Variants in BIRC6 observed in about 807,000 individuals in gnomAD.
BIRC6 encodes dual E2 ubiquitin-conjugating enzyme/E3 ubiquitin-protein ligase BIRC6.
BIRC6 carries 98 observed loss-of-function variants against 503.3 expected under a neutral mutation model. That is an observed-to-expected ratio of 0.19 (90% CI 0.17 to 0.23). BIRC6 has a LOEUF of 0.23. BIRC6 is among the 10% of genes least tolerant of loss of function. The probability of loss-of-function intolerance (pLI) is 1.00; values close to 1 mark genes in which losing one functional copy is unlikely to be tolerated. For synonymous variants in BIRC6, 2,240 were observed against 2,078.7 expected, an observed-to-expected ratio of 1.08 and a Z score of -2.11; for missense variants, 5,360 against 5,806.0, an observed-to-expected ratio of 0.92 and a Z score of 2.50.
rs199515821 is a variant in BIRC6 at position 32,537,688 on chromosome 2, C to T, written c.12292-5553C>T. Among the ~76,000 whole-genome samples, 39 of 152,178 alleles carry T rather than the reference C, an allele frequency of 2.6e-4. No individual in the cohort carries two copies. In the East Asian group the frequency reaches 6.4e-3, roughly 25 times the overall value. ...TATATTTTAAAACAATTATTTAGGCCGGGCGCAGTGGCTCAAGCCTGCAAT... is the reference window on the plus strand; with the variant it reads ...TATATTTTAAAACAATTATTTAGGCTGGGCGCAGTGGCTCAAGCCTGCAAT... On this transcript the variant is annotated intron_variant, in intron 61 of 73. Transcript: ENST00000421745.
At chr2:32,369,982 ATATGTATG>A (rs70938342) in intron 1 of BIRC6, among the ~76,000 whole-genome samples, 236 of 44,508 alleles carry the variant, frequency 5.3e-3, no homozygotes, top group Non-Finnish European at 7.0e-3. Flanking sequence ...ATATATATAT[ATATGTATG>A]TATGTATGTG....
intron 10 of BIRC6, among the ~76,000 whole-genome samples, chr2:32,424,008 A>G (rs1241370290): frequency 1.3e-5 from 2 of 152,182 alleles, no homozygotes; most frequent in African/African-American, 4.8e-5. Flanking sequence ...AATGCTAGCT[A>G]TGGGATATGC....
At chr2:32,447,044 T>G (rs1377051999) in intron 21 of BIRC6, among the ~76,000 whole-genome samples, 6 of 135,050 alleles carry the variant, frequency 4.4e-5, no homozygotes, top group African/African-American at 1.7e-4. Flanking sequence ...ACACAGCACA[T>G]GTTTCAGAGA....
Position 32,471,129 on chromosome 2 carries a change from A to C in BIRC6, c.6592+5A>C. ...CTGCAAAGAAACCTTTGAATGGTAA[A>C]GACAGGGAGAGGTTTCTGACAGGTA... On this transcript the variant is annotated splice_donor_5th_base_variant and intron_variant, in intron 32 of 73. Transcript: ENST00000421745. 2 of 1,559,512 alleles carry C rather than the reference A, an allele frequency of 1.3e-6. No individual in the cohort carries two copies. The highest frequency in any genetic ancestry group is 2.4e-5 in the South Asian group (2 of 84,602).
chr2:32,518,451 G>T lies in BIRC6; in HGVS notation c.11493+54G>T, dbSNP rs1372852103. 1.9e-6 allele frequency: 3 copies of T among 1,549,668 alleles called. No individual in the cohort carries two copies. In the African/African-American group the frequency reaches 4.2e-5, roughly 22 times the overall value. ...GTGTATACATGTATTTTACAATTTT[G>T]TATCAGAGCCTGCAGTTACCTCCTA... is the stretch of plus-strand genomic sequence containing the variant. On this transcript the variant is annotated intron_variant, in intron 56 of 73. Coordinates refer to ENST00000421745, the MANE Select transcript of BIRC6 (RefSeq NM_016252.4).
chr2:32,438,558 C>CT (rs1242771915), intron 15 of BIRC6, among the ~76,000 whole-genome samples: 4,379 of 126,944 alleles, frequency 0.034, 132 homozygotes, highest in East Asian at 0.055. Flanking sequence ...TTTGAGTGTT[C>CT]TTTTTTTTTT....
At chr2:32,572,569 C>T (rs765545255) in intron 65 of BIRC6, among the ~76,000 whole-genome samples, 11 of 152,182 alleles carry the variant, frequency 7.2e-5, no homozygotes, top group Admixed American at 2.0e-4. Flanking sequence ...CACATCCTCA[C>T]AAGTACTGAC....
rs2043839076 is a variant in BIRC6, at chr2:32,429,160, T to C, written c.2887T>C (p.Phe963Leu). 6.3e-7 allele frequency: 1 copy of C among 1,590,100 alleles called. No homozygotes were observed. The highest frequency in any genetic ancestry group is 8.6e-7 in the Non-Finnish European group (1 of 1,169,038). Residue 963 changes from phenylalanine to leucine, a missense_variant, in exon 11 of 74, where the codon TTT (phenylalanine) becomes CTT (leucine). By Grantham distance (22) the Phe-to-Leu change is conservative. Coordinates refer to ENST00000421745, the MANE Select transcript of BIRC6 (RefSeq NM_016252.4). ...CTACACTGTAGGTGGTGAGCTTCAT[T>C]TTCTCCAAATTGGAGGAACCTGTGA... ...CACTKGGELH[F>L]LQIGGTCDDI...
At chr2:32,553,853 T>C (rs2058606853) in intron 65 of BIRC6, among the ~76,000 whole-genome samples, 1 of 152,228 alleles carries the variant, frequency 6.6e-6, no homozygotes, top group South Asian at 2.1e-4. Context: ...TGTTTCTTAT[T>C]GCTTACTAAA....
intron 66 of BIRC6, among the ~76,000 whole-genome samples, chr2:32,575,592 G>A (rs935532138): frequency 1.3e-5 from 2 of 151,864 alleles, no homozygotes; most frequent in African/African-American, 4.8e-5. Context: ...GTGAAACCCC[G>A]TCTCTACTAA....
At chr2:32,511,455 G>A (rs1190487889) in intron 53 of BIRC6, among the ~76,000 whole-genome samples, 3 of 143,606 alleles carry the variant, frequency 2.1e-5, no homozygotes, top group African/African-American at 7.7e-5. Context: ...GTCTACAGGC[G>A]ACCACCACTA....
chr2:32,364,730 T>A (rs2034631690), intron 1 of BIRC6, among the ~76,000 whole-genome samples: 1 of 151,960 alleles, frequency 6.6e-6, no homozygotes, highest in African/African-American at 2.4e-5. Context: ...TGTACTTTAC[T>A]GTAGCTTCAG....
chr2:32,602,757 G>A (rs2062150217), intron 70 of BIRC6: 1 of 398,112 alleles, frequency 2.5e-6, no homozygotes. Flanking sequence ...TCATTAAAAT[G>A]TTATTTGTGT....
chr2:32,476,433 A>G (rs1172285993), intron 34 of BIRC6, 89 bp downstream of exon 34: 19 of 1,364,656 alleles, frequency 1.4e-5, no homozygotes. Context: ...AATATACATT[A>G]CTCTGCTTAA....
intron 62 of BIRC6, 49 bp from the exon 63 acceptor site, chr2:32,545,594 G>A (rs1316562466): frequency 6.9e-7 from 1 of 1,453,010 alleles, no homozygotes; most frequent in African/African-American, 1.4e-5. Flanking sequence ...AACTTCTTAT[G>A]TGTTTTTAAC....
At chr2:32,447,660 C>T (rs2046206017) in intron 21 of BIRC6, among the ~76,000 whole-genome samples, 4 of 121,654 alleles carry the variant, frequency 3.3e-5, no homozygotes, top group Admixed American at 3.0e-4. Context: ...GGGGCTGACC[C>T]CCCCTCCCCC....
At chr2:32,516,101 A>G (rs143604656) in intron 55 of BIRC6, among the ~76,000 whole-genome samples, 3 of 152,346 alleles carry the variant, frequency 2.0e-5, no homozygotes, top group Non-Finnish European at 4.4e-5. Context: ...TGAGTACTGT[A>G]TGTGCCTTGA....
At chr2:32,376,602 G>A (rs918543295) in intron 1 of BIRC6, among the ~76,000 whole-genome samples, 2 of 151,948 alleles carry the variant, frequency 1.3e-5, no homozygotes, top group African/African-American at 4.8e-5. Flanking sequence ...TAGGCTACGT[G>A]TTTTGTCTAC....
chr2:32,601,229 G>A (rs903200046), intron 70 of BIRC6, among the ~76,000 whole-genome samples: 4 of 152,176 alleles, frequency 2.6e-5, no homozygotes, highest in African/African-American at 4.8e-5. Context: ...CGTATTTTGC[G>A]TTCTTGCTTT....
Sources: allele counts gnomAD v4.1 joint callset (sites outside exome capture counted in the v4.1 genomes callset), GRCh38; gene constraint gnomAD v4.1.1; transcripts MANE v1.5; gene names NCBI Gene and HGNC (gene_info 2026-07-23, HGNC 2026-07-21).